FANCB: variants seen among roughly 807,000 people sequenced by gnomAD.
The protein encoded by FANCB is FA complementation group B.
FANCB carries 5 observed loss-of-function variants against 38.9 expected under a neutral mutation model. The ratio of observed to expected loss-of-function variants is 0.13; its 90% CI spans 0.07 to 0.27. The LOEUF (loss-of-function observed/expected upper bound fraction) is 0.27, where lower values mean the gene tolerates loss of function less well. FANCB is among the 10% of genes least tolerant of loss of function. The pLI, the probability that FANCB is intolerant of heterozygous loss-of-function variation, is 1.00. For missense variants in FANCB, 573 were observed against 602.7 expected, an observed-to-expected ratio of 0.95 and a Z score of 0.52; for synonymous variants, 236 against 215.4, an observed-to-expected ratio of 1.10 and a Z score of -0.84.
intron 3 of FANCB, among the ~76,000 whole-genome samples, chrX:14,861,894 G>A (rs1358772741): frequency 2.7e-5 from 3 of 110,344 alleles, no homozygotes; most frequent in Non-Finnish European, 5.7e-5. Flanking sequence ...CAACCAGCTG[G>A]AGTGCAGCGG....
chrX:14,840,880 G>A (rs761375767), downstream of FANCB, among the ~76,000 whole-genome samples: 1 of 112,016 alleles, frequency 8.9e-6, no homozygotes, highest in Non-Finnish European at 1.9e-5. Context: ...TCAAAGCATG[G>A]TAGGTGTCTA....
At chrX:14,791,378 GGA>G in the FANCB span, among the ~76,000 whole-genome samples, 14 of 111,580 alleles carry the variant, frequency 1.3e-4, no homozygotes, top group Non-Finnish European at 1.7e-4. Context: ...CTAGAAATTG[GGA>G]GAGAGGACTA....
At position 14,843,727 on chromosome X, in the gene FANCB, T is replaced by G. The variant is rs1020168794; in HGVS notation, c.2420A>C (p.Glu807Ala). 6 of 1,209,390 alleles carry G rather than the reference T, an allele frequency of 5.0e-6. No homozygotes were observed. The highest frequency in any genetic ancestry group is 4.4e-5 in the Admixed American group (2 of 45,643). The change falls in exon 10 of 10, where the codon GAA (glutamate) becomes GCA (alanine). Residue 807 changes from glutamate (E) to alanine (A), a missense_variant. Physicochemically the swap from Glu to Ala is moderately radical, Grantham distance 107. Coordinates refer to ENST00000650831, the MANE Select transcript of FANCB (RefSeq NM_001018113.3). Reference sequence around the variant, plus strand: ...TTCTTTTCTGTAGGGATGGATATTTTCCCTTCTGTCTGATAAAGCAGCCGC... The same window carrying G: ...TTCTTTTCTGTAGGGATGGATATTTGCCCTTCTGTCTGATAAAGCAGCCGC... ...VVAAALSDRR[E>A]NIHPYRKELQ... is the part of the protein sequence containing the mutation.
At chrX:14,700,128 G>C in the FANCB span, among the ~76,000 whole-genome samples, 1 of 111,797 alleles carries the variant, frequency 8.9e-6, no homozygotes, top group Non-Finnish European at 1.9e-5. Context: ...TGAAATGTGA[G>C]AGATGGAGGT....
chrX:14,776,036 A>C, the FANCB span, among the ~76,000 whole-genome samples: 1 of 106,153 alleles, frequency 9.4e-6, no homozygotes, highest in Non-Finnish European at 1.9e-5. Context: ...GCCTGAGCCC[A>C]ACAGGCCTGA....
chrX:14,714,571 T>C, the FANCB span, among the ~76,000 whole-genome samples: 4 of 111,739 alleles, frequency 3.6e-5, no homozygotes, highest in Non-Finnish European at 5.6e-5. Flanking sequence ...AGTTCCAAGA[T>C]TTCTGCTCAT....
the FANCB span, among the ~76,000 whole-genome samples, chrX:14,755,574 T>A: frequency 9.0e-6 from 1 of 111,135 alleles, no homozygotes; most frequent in Non-Finnish European, 1.9e-5. Flanking sequence ...ATAAGATACA[T>A]GGGAATAAAT....
chrX:14,756,729 C>T, the FANCB span, among the ~76,000 whole-genome samples: 1 of 111,750 alleles, frequency 8.9e-6, no homozygotes, highest in African/African-American at 3.3e-5. Context: ...CTCTTCTCTC[C>T]ACGTTGCCTT....
the FANCB span, among the ~76,000 whole-genome samples, chrX:14,716,487 A>C: frequency 8.9e-6 from 1 of 111,848 alleles, no homozygotes; most frequent in Non-Finnish European, 1.9e-5. Context: ...GGCTGCAGAA[A>C]GGACTACAAT....
the FANCB span, among the ~76,000 whole-genome samples, chrX:14,778,756 G>A: frequency 1.8e-5 from 2 of 112,509 alleles, no homozygotes; most frequent in Admixed American, 1.9e-4. Context: ...GCTAGGTAGT[G>A]AGACAGAGTT....
the FANCB span, among the ~76,000 whole-genome samples, chrX:14,742,423 T>G: frequency 0.19 from 21,649 of 111,267 alleles, 1,820 homozygotes; most frequent in Middle Eastern, 0.27. Flanking sequence ...AAATTATCCC[T>G]CTGTCTTTGG....
the FANCB span, among the ~76,000 whole-genome samples, chrX:14,736,669 A>G: frequency 4.5e-5 from 5 of 111,334 alleles, no homozygotes; most frequent in Non-Finnish European, 9.4e-5. Context: ...TGCAGACTGG[A>G]GCTGTTCCTA....
chrX:14,711,687 TAAGG>T, the FANCB span, among the ~76,000 whole-genome samples: 13 of 112,087 alleles, frequency 1.2e-4, no homozygotes, highest in Middle Eastern at 4.6e-3. Flanking sequence ...AAAAACCCTC[TAAGG>T]AAGGAGATAT....
the FANCB span, among the ~76,000 whole-genome samples, chrX:14,737,610 A>C: frequency 8.9e-6 from 1 of 111,808 alleles, no homozygotes; most frequent in Non-Finnish European, 1.9e-5. Flanking sequence ...GTTTCAAGAG[A>C]ACTGACTGGA....
At chrX:14,693,055 AAAGAAAG>A in the FANCB span, among the ~76,000 whole-genome samples, 5 of 71,380 alleles carry the variant, frequency 7.0e-5, no homozygotes, top group Non-Finnish European at 6.8e-5. Context: ...CAAAAAAAAA[AAAGAAAG>A]AGGGAATGCA....
At chrX:14,763,952 G>GT in the FANCB span, among the ~76,000 whole-genome samples, 1 of 111,812 alleles carries the variant, frequency 8.9e-6, no homozygotes, top group Non-Finnish European at 1.9e-5. Context: ...TGCGAAGGGA[G>GT]TAAGATTTAA....
chrX:14,704,821 TAAAA>T, the FANCB span, among the ~76,000 whole-genome samples: 1 of 111,464 alleles, frequency 9.0e-6, no homozygotes, highest in African/African-American at 3.3e-5. Context: ...AAGGGGCAGA[TAAAA>T]AAAACTGCTT....
chrX:14,834,822 T>C (rs1456222731), downstream of FANCB: 4 of 554,555 alleles, frequency 7.2e-6, no homozygotes, highest in Non-Finnish European at 1.3e-5. Flanking sequence ...AAAATCATCA[T>C]CATCATCATC....
chrX:14,711,583 T>C, the FANCB span, among the ~76,000 whole-genome samples: 1 of 112,689 alleles, frequency 8.9e-6, no homozygotes, highest in Non-Finnish European at 1.9e-5. Context: ...CTGGGCTAGA[T>C]AGCCCTGTGT....
Sources: gnomAD v4.1 joint callset for allele counts (sites outside exome capture counted in the v4.1 genomes callset) on GRCh38, gnomAD v4.1.1 for gene constraint, MANE v1.5 for transcripts, NCBI Gene and HGNC (gene_info 2026-07-23, HGNC 2026-07-21) for gene names.